Variants in MLLT10 observed in about 807,000 individuals in gnomAD.
The protein encoded by MLLT10 is MLLT10 histone lysine methyltransferase DOT1L cofactor.
Under a neutral mutation model 129.1 loss-of-function variants are expected in MLLT10, and 30 were observed. The observed-to-expected ratio is 0.23, with a 90% CI of 0.17 to 0.32. The LOEUF (loss-of-function observed/expected upper bound fraction) is 0.32. Ranked by LOEUF, MLLT10 falls within the 10% of genes least tolerant of loss-of-function variation. MLLT10 has a pLI of 1.00. For synonymous variants in MLLT10, 490 were observed against 446.4 expected (o/e 1.10, Z -1.23); for missense variants, 1,119 against 1,268.3 (o/e 0.88, Z 1.79).
chr10:21,596,267 G>A (rs193096750), intron 5 of MLLT10, among the ~76,000 whole-genome samples: 2 of 151,918 alleles, frequency 1.3e-5, no homozygotes, highest in Admixed American at 1.3e-4. Flanking sequence ...AAGTTGAATC[G>A]TTTTCGCTTA....
chr10:21,721,281 T>G (rs371769257), intron 14 of MLLT10, among the ~76,000 whole-genome samples: 2 of 152,204 alleles, frequency 1.3e-5, no homozygotes, highest in Non-Finnish European at 1.5e-5. Flanking sequence ...AGATGATACA[T>G]TGCTGTTAAT....
intron 6 of MLLT10, 151 bp from the exon 7 acceptor site, chr10:21,614,680 A>C (rs1456037546): frequency 1.7e-6 from 1 of 589,832 alleles, no homozygotes; most frequent in East Asian, 3.0e-5. Flanking sequence ...ACTTGGTCAC[A>C]GCTAGAATAA....
intron 3 of MLLT10, among the ~76,000 whole-genome samples, chr10:21,583,160 A>C (rs1228575604): frequency 6.6e-6 from 1 of 152,104 alleles, no homozygotes; most frequent in Non-Finnish European, 1.5e-5. Context: ...ACAGAGTGAG[A>C]CTCCATCTCA....
intron 13 of MLLT10, among the ~76,000 whole-genome samples, chr10:21,683,589 A>G (rs1206277749): frequency 6.6e-6 from 1 of 152,248 alleles, no homozygotes; most frequent in Non-Finnish European, 1.5e-5. Flanking sequence ...CATTGCAAGT[A>G]CAAGTGTAAG....
intron 14 of MLLT10, among the ~76,000 whole-genome samples, chr10:21,717,530 C>CTCT (rs2056702751): frequency 1.6e-5 from 2 of 122,758 alleles, no homozygotes; most frequent in African/African-American, 6.4e-5. Context: ...CCTCCTCCTC[C>CTCT]TCCTCCTCCT....
At chr10:21,625,580 C>T (rs1331895075) in intron 8 of MLLT10, 23 of 761,968 alleles carry the variant, frequency 3.0e-5, no homozygotes, top group Non-Finnish European at 9.8e-6. Context: ...GCAGAACCCC[C>T]ATTTCTTCTT....
intron 8 of MLLT10, among the ~76,000 whole-genome samples, chr10:21,645,437 A>G (rs891880666): frequency 2.6e-5 from 4 of 152,138 alleles, no homozygotes; most frequent in African/African-American, 7.2e-5. Flanking sequence ...ATTTTGTGTT[A>G]TTTGAATATA....
intron 9 of MLLT10, among the ~76,000 whole-genome samples, chr10:21,665,226 G>A (rs1362462439): frequency 6.7e-6 from 1 of 149,130 alleles, no homozygotes; most frequent in Non-Finnish European, 1.5e-5. Flanking sequence ...GATTACAGGC[G>A]CGAGCCACTG....
At chr10:21,704,691 A>AT (rs1262657550) in intron 13 of MLLT10, among the ~76,000 whole-genome samples, 2 of 149,622 alleles carry the variant, frequency 1.3e-5, no homozygotes, top group Non-Finnish European at 3.0e-5. Flanking sequence ...GCTTCTCCCA[A>AT]TTTTTTTGAA....
At chr10:21,739,329 C>T (rs988008493) in intron 21 of MLLT10, among the ~76,000 whole-genome samples, 3 of 152,156 alleles carry the variant, frequency 2.0e-5, no homozygotes, top group African/African-American at 7.2e-5. Context: ...TCCTCACCTG[C>T]CCCCATATCC....
intron 3 of MLLT10, among the ~76,000 whole-genome samples, chr10:21,573,466 T>C (rs1459911674): frequency 6.6e-6 from 1 of 152,178 alleles, no homozygotes; most frequent in Non-Finnish European, 1.5e-5. Context: ...TGAATGGATA[T>C]TGAGTTTTCT....
At chr10:21,647,864 GT>G (rs1166735038) in intron 8 of MLLT10, among the ~76,000 whole-genome samples, 1 of 150,828 alleles carries the variant, frequency 6.6e-6, no homozygotes, top group African/African-American at 2.4e-5. Flanking sequence ...CTAAGTCTGT[GT>G]TTTCCCTTTC....
rs781268147 is a variant in MLLT10, at chr10:21,670,847, C to CATAGTG, written c.1051+143_1051+144insATAGTG. 4,204 of 912,898 alleles carry CATAGTG rather than the reference C, an allele frequency of 4.6e-3. 15 individuals carry two copies. Among genetic ancestry groups the CATAGTG allele is most frequent in the Non-Finnish European group, 5.7e-3 (3,746 of 653,008 alleles). 56.5% of individuals were successfully genotyped at this position (912,898 alleles called of 1,614,324 possible). A position where few individuals can be genotyped will look rare whatever the true frequency, so the allele number is the denominator to read the frequency against. On this transcript the variant is annotated intron_variant, in intron 10 of 22. Coordinates refer to ENST00000307729, the MANE Select transcript of MLLT10 (RefSeq NM_001195626.3). ...ATGATTAGTTGCTTTAGTAAGATTA[C>CATAGTG]TTTAAAGATAGTGTTTCCTATTAAA... is the stretch of plus-strand genomic sequence containing the variant.
chr10:21,742,277 C>G lies in MLLT10; in HGVS notation c.*294C>G, dbSNP rs1833776185. On this transcript the variant is annotated 3_prime_UTR_variant, in exon 23 of 23. Transcript: ENST00000307729. ...TTTACATGCAATATGTTTATCAACTCAAGAATTTAATATAGTTGGTACACA... is the reference window on the plus strand; with the variant it reads ...TTTACATGCAATATGTTTATCAACTGAAGAATTTAATATAGTTGGTACACA... The G allele has an allele frequency of 3.0e-6, 1 of 330,930 alleles. No individual in the cohort carries two copies. Among genetic ancestry groups the G allele is most frequent in the African/African-American group, 2.1e-5 (1 of 47,498 alleles). 20.5% of individuals were successfully genotyped at this position (330,930 alleles called of 1,614,324 possible). A position where few individuals can be genotyped will look rare whatever the true frequency, so the allele number is the denominator to read the frequency against.
chr10:21,534,115 C>CGGGGGA (rs1042851877), upstream of MLLT10: 1,001 of 299,750 alleles, frequency 3.3e-3, 38 homozygotes, highest in East Asian at 0.052. Flanking sequence ...GCGAGCGGCG[C>CGGGGGA]GGGGGAGGGG....
chr10:21,624,394 A>G (rs1771789720), intron 8 of MLLT10, among the ~76,000 whole-genome samples: 1 of 152,104 alleles, frequency 6.6e-6, no homozygotes, highest in Admixed American at 6.6e-5. Context: ...TAAGCCCAAT[A>G]ATGTCCAAGA....
chr10:21,541,184 GAGT>G (rs1301684973), intron 3 of MLLT10: 1 of 151,956 alleles, frequency 6.6e-6, no homozygotes, highest in African/African-American at 2.4e-5. Flanking sequence ...AATAATGGTT[GAGT>G]AACCTATAAA....
chr10:21,578,500 C>T (rs1210256511), intron 3 of MLLT10, among the ~76,000 whole-genome samples: 1 of 152,084 alleles, frequency 6.6e-6, no homozygotes, highest in Non-Finnish European at 1.5e-5. Flanking sequence ...TTTATTGCCT[C>T]TGCTTTTAGT....
intron 14 of MLLT10, among the ~76,000 whole-genome samples, chr10:21,722,681 C>T (rs1274915538): frequency 6.6e-6 from 1 of 152,156 alleles, no homozygotes; most frequent in East Asian, 1.9e-4. Flanking sequence ...TCTGCATCTT[C>T]AGTGCTAATA....
Sources: allele counts gnomAD v4.1 joint callset (sites outside exome capture counted in the v4.1 genomes callset), GRCh38; gene constraint gnomAD v4.1.1; transcripts MANE v1.5; gene names NCBI Gene and HGNC (gene_info 2026-07-23, HGNC 2026-07-21).